TESMIN: variants seen among roughly 807,000 people sequenced by gnomAD.
TESMIN encodes CXC domain containing 2.
TESMIN carries 34 observed loss-of-function variants against 47.4 expected under a neutral mutation model. The ratio of observed to expected loss-of-function variants is 0.72; its 90% CI spans 0.55 to 0.96. The LOEUF (loss-of-function observed/expected upper bound fraction) is 0.96, where lower values mean the gene tolerates loss of function less well. Ranked by LOEUF, TESMIN falls within the 40% of genes least tolerant of loss-of-function variation. TESMIN has a pLI of 0.00. For synonymous variants in TESMIN, 278 were observed against 258.9 expected, an observed-to-expected ratio of 1.07 and a Z score of -0.71; for missense variants, 610 against 637.2, an observed-to-expected ratio of 0.96 and a Z score of 0.46.
At chr11:68,736,585 A>G (rs1175179539) in intron 6 of TESMIN, 1 of 985,320 alleles carries the variant, frequency 1.0e-6, no homozygotes, top group African/African-American at 1.7e-5. Flanking sequence ...ATCAGGCCCA[A>G]TTAAGTGGAG....
intron 6 of TESMIN, among the ~76,000 whole-genome samples, chr11:68,733,300 T>C (rs1378386661): frequency 6.6e-6 from 1 of 152,112 alleles, no homozygotes; most frequent in African/African-American, 2.4e-5. Flanking sequence ...TTTTTAAAAA[T>C]GGGATGTGGA....
downstream of TESMIN, among the ~76,000 whole-genome samples, chr11:68,705,200 C>G (rs1441446200): frequency 6.6e-6 from 1 of 152,244 alleles, no homozygotes; most frequent in Non-Finnish European, 1.5e-5. Context: ...AACGGGAGGC[C>G]TCCTCCCTGC....
chr11:68,728,295 C>T (rs1566318599), intron 6 of TESMIN, among the ~76,000 whole-genome samples: 1 of 152,156 alleles, frequency 6.6e-6, no homozygotes, highest in Non-Finnish European at 1.5e-5. Context: ...TGAAGCAAGC[C>T]TGAGAGGTCT....
At chr11:68,743,731 G>A (rs1271528980) in intron 4 of TESMIN, among the ~76,000 whole-genome samples, 1 of 152,170 alleles carries the variant, frequency 6.6e-6, no homozygotes, top group Admixed American at 6.5e-5. Context: ...GTGCTCATGA[G>A]TTCAAGTAGA....
At chr11:68,746,756 A>C (rs1946525623) in intron 3 of TESMIN, among the ~76,000 whole-genome samples, 1 of 152,248 alleles carries the variant, frequency 6.6e-6, no homozygotes, top group African/African-American at 2.4e-5. Flanking sequence ...GATTAAATAA[A>C]GGTGCAAAAA....
intron 6 of TESMIN, among the ~76,000 whole-genome samples, chr11:68,720,080 T>C (rs1946187486): frequency 6.6e-6 from 1 of 152,178 alleles, no homozygotes; most frequent in Non-Finnish European, 1.5e-5. Context: ...GACTGCTTGT[T>C]AGAAATAATG....
intron 6 of TESMIN, chr11:68,737,288 A>G: frequency 1.0e-6 from 1 of 985,498 alleles, no homozygotes; most frequent in Non-Finnish European, 1.2e-6. Flanking sequence ...TGTCCAACTC[A>G]GCAAAAGTTG....
In TESMIN at chr11:68,742,007, G is replaced by C. The variant is rs75436714; in HGVS notation, c.828+311C>G. 8.1e-3 allele frequency among the ~76,000 whole-genome samples: 1,227 copies of C among 152,342 alleles called. 20 individuals carry two copies. The highest frequency in any genetic ancestry group is 0.029 in the African/African-American group (1,186 of 41,578). On this transcript the variant is annotated intron_variant, in intron 5 of 9. Coordinates refer to ENST00000255087, the MANE Select transcript of TESMIN (RefSeq NM_004923.3). ...AGGAGGGTGAGGAGCGTTCTGGACC[G>C]AGGAGGTGGAATATGCTGTTGGTGG...
At position 68,711,058 on chromosome 11, in the gene TESMIN, A is replaced by G. The variant is rs1300721770; in HGVS notation, c.1159-9T>C. ...GAACACATAATTTGGGCCTGGTAAT[A>G]TAAAATGCTTCAATAAAATTAGGTT... On this transcript the variant is annotated splice_polypyrimidine_tract_variant and intron_variant, in intron 8 of 9. Coordinates refer to ENST00000255087, the MANE Select transcript of TESMIN (RefSeq NM_004923.3). 7 of 1,584,318 alleles carry G rather than the reference A, an allele frequency of 4.4e-6. No homozygotes were observed. The highest frequency in any genetic ancestry group is 6.0e-6 in the Non-Finnish European group (7 of 1,166,130).
rs760532031 is a variant in TESMIN at position 68,708,396 on chromosome 11, G to A, written c.1439C>T (p.Ala480Val). 3 of 1,614,176 alleles carry A rather than the reference G, an allele frequency of 1.9e-6. No individual in the cohort carries two copies. Among genetic ancestry groups the A allele is most frequent in the Non-Finnish European group, 2.5e-6 (3 of 1,180,018 alleles). ...AEKEHCSKCLAEQMILEEFGR... is the reference protein window; with the variant it reads ...AEKEHCSKCLVEQMILEEFGR... ...AAATTCCTCCAGGATCATCTGCTCTGCCAGGCACTTGGAGCAGTGTTCTTT... is the reference window on the plus strand; with the variant it reads ...AAATTCCTCCAGGATCATCTGCTCTACCAGGCACTTGGAGCAGTGTTCTTT... The change falls in exon 10 of 10, where the codon GCA (alanine) becomes GTA (valine). Residue 480 changes from alanine (A) to valine (V), a missense_variant. Transcript: ENST00000255087.
intron 6 of TESMIN, 101 bp from the exon 7 acceptor site, chr11:68,716,040 A>G (rs1428252507): frequency 1.3e-6 from 1 of 748,072 alleles, no homozygotes; most frequent in Non-Finnish European, 2.3e-6. Context: ...AGTGTGCTGC[A>G]GTCAGAACAC....
At chr11:68,723,890 CACTCCA>C (rs555522045) in intron 6 of TESMIN, among the ~76,000 whole-genome samples, 145 of 152,178 alleles carry the variant, frequency 9.5e-4, no homozygotes, top group Middle Eastern at 3.4e-3. Flanking sequence ...TCACCTTCAC[CACTCCA>C]ACTCCAATAG....
rs1179980794 is a variant in TESMIN at position 68,738,316 on chromosome 11, G to A, written c.917+384C>T. The A allele has an allele frequency of 2.0e-5, 20 of 1,011,530 alleles. No individual in the cohort carries two copies. The South Asian group carries it at 5.0e-4, about 25-fold the overall frequency. The allele number at this position is 1,011,530 out of a possible 1,614,324, so 62.7% of individuals were successfully genotyped here. A position where few individuals can be genotyped will look rare whatever the true frequency, so the allele number is the denominator to read the frequency against. ...GCTGGAGGGCACTCTGCAGCCCCCCGTTCATGCTGCATGGCTGCCACACCA... is the reference window on the plus strand; with the variant it reads ...GCTGGAGGGCACTCTGCAGCCCCCCATTCATGCTGCATGGCTGCCACACCA... On this transcript the variant is annotated intron_variant, in intron 6 of 9. Coordinates refer to ENST00000255087, the MANE Select transcript of TESMIN (RefSeq NM_004923.3).
At chr11:68,727,306 G>T (rs1946276457) in intron 6 of TESMIN, among the ~76,000 whole-genome samples, 1 of 152,150 alleles carries the variant, frequency 6.6e-6, no homozygotes, top group Non-Finnish European at 1.5e-5. Context: ...TGGGCATGGT[G>T]ATGCATGCCT....
intron 8 of TESMIN, 74 bp downstream of exon 8, chr11:68,713,196 T>A (rs1364070267): frequency 1.4e-6 from 2 of 1,448,962 alleles, no homozygotes; most frequent in African/African-American, 2.9e-5. Flanking sequence ...ACAGCAAAGT[T>A]TTTTTAACCA....
Position 68,712,924 on chromosome 11 carries a change from C to A in TESMIN, c.1158+346G>T, listed in dbSNP as rs926131545. Among the ~76,000 whole-genome samples, 3 of 152,064 alleles carry A rather than the reference C, an allele frequency of 2.0e-5. No homozygotes were observed. The East Asian group carries it at 5.8e-4, about 29-fold the overall frequency. The stretch of plus-strand genomic sequence containing the variant: ...TGGGCTTTGCTCAGGGAGGAAGAGG[C>A]GCGGCTGCCCTCCGGGAGCTTCCAC... On this transcript the variant is annotated intron_variant, in intron 8 of 9. Coordinates refer to ENST00000255087, the MANE Select transcript of TESMIN (RefSeq NM_004923.3).
intron 7 of TESMIN, among the ~76,000 whole-genome samples, chr11:68,714,176 G>A (rs1463524085): frequency 6.6e-6 from 1 of 152,238 alleles, no homozygotes; most frequent in East Asian, 1.9e-4. Flanking sequence ...CGCTTCCTGG[G>A]GTTGACATTT....
chr11:68,744,779 T>A (rs1384463017), intron 4 of TESMIN: 2 of 353,366 alleles, frequency 5.7e-6, no homozygotes, highest in East Asian at 9.7e-5. Flanking sequence ...GAGGGACAGC[T>A]ATCCAAGAAT....
intron 9 of TESMIN, 165 bp downstream of exon 9, chr11:68,710,709 A>G (rs540713912): frequency 1.6e-6 from 1 of 615,476 alleles, no homozygotes; most frequent in East Asian, 3.1e-5. Flanking sequence ...CACAGTGGCC[A>G]CCCAGGATTA....
Sources: allele counts gnomAD v4.1 joint callset (sites outside exome capture counted in the v4.1 genomes callset), GRCh38; gene constraint gnomAD v4.1.1; transcripts MANE v1.5; gene names NCBI Gene and HGNC (gene_info 2026-07-23, HGNC 2026-07-21).